The following ANKS1B variants were observed in gnomAD, a reference collection of about 807,000 sequenced individuals.
ANKS1B encodes the protein ankyrin repeat and sterile alpha motif domain containing 1B.
A neutral mutation model predicts 148.3 loss-of-function variants in ANKS1B; 36 were observed. The observed-to-expected ratio is 0.24, with a 90% CI of 0.19 to 0.32. The LOEUF is 0.32. Ranked by LOEUF, ANKS1B falls within the 10% of genes least tolerant of loss-of-function variation. ANKS1B has a pLI of 1.00. For synonymous variants in ANKS1B, 542 were observed against 560.8 expected, an observed-to-expected ratio of 0.97 and a Z score of 0.47; for missense variants, 1,157 against 1,542.6, an observed-to-expected ratio of 0.75 and a Z score of 4.19.
chr12:98,828,840 A>G (rs1295005061), intron 19 of ANKS1B, among the ~76,000 whole-genome samples: 1 of 152,176 alleles, frequency 6.6e-6, no homozygotes, highest in Non-Finnish European at 1.5e-5. Flanking sequence ...CAACCAATTT[A>G]CATTTTGTAA....
At chr12:99,562,391 A>G (rs1260166971) in intron 9 of ANKS1B, among the ~76,000 whole-genome samples, 1 of 152,180 alleles carries the variant, frequency 6.6e-6, no homozygotes, top group African/African-American at 2.4e-5. Flanking sequence ...CCAGGCATTA[A>G]CTTCACACCT....
intron 25 of ANKS1B, among the ~76,000 whole-genome samples, chr12:98,767,188 AGTGG>A (rs1456122846): frequency 6.6e-6 from 1 of 152,162 alleles, no homozygotes; most frequent in Admixed American, 6.6e-5. Context: ...CAAAGTTGGA[AGTGG>A]TGTAGGTATC....
At chr12:98,919,422 G>A (rs889551369) in intron 17 of ANKS1B, among the ~76,000 whole-genome samples, 6 of 152,120 alleles carry the variant, frequency 3.9e-5, no homozygotes, top group East Asian at 3.9e-4. Flanking sequence ...GATCAAGGGC[G>A]GAGATGCCAT....
At chr12:99,773,162 A>C in intron 7 of ANKS1B, 74 bp from the exon 8 acceptor site, 1 of 1,231,958 alleles carries the variant, frequency 8.1e-7, no homozygotes, top group Non-Finnish European at 1.1e-6. Context: ...TAAAAATATG[A>C]CTGCTATGGT....
intron 8 of ANKS1B, among the ~76,000 whole-genome samples, chr12:99,704,716 AG>A (rs761671705): frequency 2.0e-5 from 3 of 152,074 alleles, no homozygotes; most frequent in Non-Finnish European, 2.9e-5. Flanking sequence ...TCAAGAAAGT[AG>A]GAACTGATAA....
At chr12:99,049,289 A>G (rs2099964397) in intron 17 of ANKS1B, among the ~76,000 whole-genome samples, 1 of 152,098 alleles carries the variant, frequency 6.6e-6, no homozygotes, top group African/African-American at 2.4e-5. Flanking sequence ...ATTTACCTTT[A>G]TTCAATATGT....
intron 1 of ANKS1B, among the ~76,000 whole-genome samples, chr12:99,959,299 G>A (rs932897838): frequency 2.2e-5 from 3 of 137,688 alleles, no homozygotes; most frequent in Non-Finnish European, 3.0e-5. Context: ...GGATGGTCTC[G>A]ATCTCCTGAC....
At chr12:99,819,838 TA>T (rs2082300247) in intron 2 of ANKS1B, among the ~76,000 whole-genome samples, 1 of 148,720 alleles carries the variant, frequency 6.7e-6, no homozygotes, top group African/African-American at 2.5e-5. Flanking sequence ...GAAGGAAAAG[TA>T]AAGGAAAAAG....
At chr12:98,884,526 G>A (rs563862205) in intron 17 of ANKS1B, among the ~76,000 whole-genome samples, 2 of 152,254 alleles carry the variant, frequency 1.3e-5, no homozygotes, top group East Asian at 1.9e-4. Flanking sequence ...GGGGCCGGGC[G>A]CGGTGGCTCA....
At chr12:99,300,712 C>T (rs1283718910) in intron 12 of ANKS1B, among the ~76,000 whole-genome samples, 2 of 152,138 alleles carry the variant, frequency 1.3e-5, no homozygotes, top group East Asian at 3.9e-4. Context: ...ATGCATATAA[C>T]TTCACTTTTG....
At chr12:99,135,042 C>T (rs958327055) in intron 15 of ANKS1B, among the ~76,000 whole-genome samples, 6 of 152,044 alleles carry the variant, frequency 3.9e-5, no homozygotes, top group Admixed American at 6.6e-5. Flanking sequence ...TTCCAATAAT[C>T]TCAATATAAA....
chr12:99,534,638 A>G (rs1210028273), intron 9 of ANKS1B, among the ~76,000 whole-genome samples: 1 of 152,144 alleles, frequency 6.6e-6, no homozygotes, highest in African/African-American at 2.4e-5. Flanking sequence ...ACATTAGGAA[A>G]GTAAGTTAAT....
chr12:99,907,324 C>T (rs570031897), intron 1 of ANKS1B, among the ~76,000 whole-genome samples: 1 of 152,326 alleles, frequency 6.6e-6, no homozygotes, highest in African/African-American at 2.4e-5. Context: ...CAGCCCCATG[C>T]CGCCTGTGCT....
chr12:99,881,237 T>C (rs1239691246), intron 1 of ANKS1B, among the ~76,000 whole-genome samples: 1 of 151,670 alleles, frequency 6.6e-6, no homozygotes, highest in Non-Finnish European at 1.5e-5. Context: ...TCAGAGAGAG[T>C]GGGGGAAATT....
At chr12:99,413,016 A>G (rs2094768731) in intron 11 of ANKS1B, among the ~76,000 whole-genome samples, 1 of 152,196 alleles carries the variant, frequency 6.6e-6, no homozygotes, top group South Asian at 2.1e-4. Flanking sequence ...ATCTTCAGGT[A>G]GGCAAATGCA....
At chr12:99,963,517 G>C (rs11835142) in intron 1 of ANKS1B, among the ~76,000 whole-genome samples, 3,268 of 152,238 alleles carry the variant, frequency 0.021, 124 homozygotes, top group African/African-American at 0.074. Context: ...AAAGCTGAAT[G>C]ATCTTTTAAA....
At chr12:99,743,691 C>T (rs1435428712) in intron 8 of ANKS1B, among the ~76,000 whole-genome samples, 1 of 152,032 alleles carries the variant, frequency 6.6e-6, no homozygotes, top group Non-Finnish European at 1.5e-5. Context: ...TTGTCACCAA[C>T]CATAAAAAAT....
Position 98,837,643 on chromosome 12 carries a change from C to T in ANKS1B, c.2779-5507G>A, listed in dbSNP as rs116791977. Among the ~76,000 whole-genome samples the T allele has an allele frequency of 9.3e-4, 142 of 152,232 alleles. 1 individual carries two copies. Among genetic ancestry groups the T allele is most frequent in the African/African-American group, 3.3e-3 (137 of 41,538 alleles). ...CTGCTGTTTATGTTTCTGGGTTTGG[C>T]TGTGGGAATTCTGCCAGACAGTATC... On this transcript the variant is annotated intron_variant, in intron 17 of 26. Coordinates refer to ENST00000683438, the MANE Select transcript of ANKS1B (RefSeq NM_001352186.2).
chr12:99,698,032 G>A (rs1317202411), intron 8 of ANKS1B, among the ~76,000 whole-genome samples: 1 of 151,964 alleles, frequency 6.6e-6, no homozygotes, highest in African/African-American at 2.4e-5. Flanking sequence ...TATATGGGGT[G>A]GGTAGAAAGA....
Sources: allele counts gnomAD v4.1 joint callset (sites outside exome capture counted in the v4.1 genomes callset), GRCh38; gene constraint gnomAD v4.1.1; transcripts MANE v1.5; gene names NCBI Gene and HGNC (gene_info 2026-07-23, HGNC 2026-07-21).